Variants in CNTNAP2 observed in about 807,000 individuals in gnomAD.
CNTNAP2 encodes contactin associated protein 2.
A neutral mutation model predicts 155.2 loss-of-function variants in CNTNAP2; 98 were observed. The ratio of observed to expected loss-of-function variants is 0.63; its 90% CI spans 0.54 to 0.75. CNTNAP2 has a LOEUF of 0.75. Among genes scored for constraint, CNTNAP2 ranks in the 30% least tolerant of loss-of-function variants. The probability of loss-of-function intolerance (pLI) is 0.00; values close to 1 mark genes in which losing one functional copy is unlikely to be tolerated. For missense variants in CNTNAP2, 1,727 were observed against 1,688.1 expected, an observed-to-expected ratio of 1.02 and a Z score of -0.40; for synonymous variants, 651 against 631.2, an observed-to-expected ratio of 1.03 and a Z score of -0.47.
chr7:146,283,542 T>A lies in CNTNAP2; in HGVS notation c.97+166569T>A, dbSNP rs574566875. 8.5e-4 allele frequency among the ~76,000 whole-genome samples: 130 copies of A among 152,286 alleles called. 1 individual carries two copies. Among genetic ancestry groups the A allele is most frequent in the Admixed American group, 1.8e-3 (28 of 15,296 alleles). On this transcript the variant is annotated intron_variant, in intron 1 of 23. Transcript: ENST00000361727. The stretch of plus-strand genomic sequence containing the variant: ...GCCACTGTGCCTGGCTGGTTCCAGA[T>A]CATTTTAAAGAAATTAAGATGTATT...
intron 13 of CNTNAP2, among the ~76,000 whole-genome samples, chr7:147,653,679 C>T (rs1478902519): frequency 1.3e-5 from 2 of 152,150 alleles, no homozygotes. Context: ...AGGTCCTGCG[C>T]AGGAAGGCAA....
At chr7:148,034,653 T>C (rs1257902414) in intron 15 of CNTNAP2, among the ~76,000 whole-genome samples, 1 of 152,196 alleles carries the variant, frequency 6.6e-6, no homozygotes, top group African/African-American at 2.4e-5. Context: ...GAGAGCAGTG[T>C]TGCTATAGTA....
At chr7:148,363,358 A>C (rs1296401631) in intron 21 of CNTNAP2, among the ~76,000 whole-genome samples, 1 of 152,244 alleles carries the variant, frequency 6.6e-6, no homozygotes, top group Non-Finnish European at 1.5e-5. Context: ...TGTTCTGAGC[A>C]CATTTAAGGT....
intron 1 of CNTNAP2, among the ~76,000 whole-genome samples, chr7:146,394,920 C>G (rs1795598229): frequency 6.6e-6 from 1 of 152,084 alleles, no homozygotes; most frequent in Non-Finnish European, 1.5e-5. Context: ...TCTCCAGTGT[C>G]TATTTTTCCA....
intron 8 of CNTNAP2, among the ~76,000 whole-genome samples, chr7:147,297,789 T>TG (rs78489757): frequency 1.3e-5 from 2 of 151,974 alleles, no homozygotes; most frequent in Non-Finnish European, 2.9e-5. Context: ...GAGGAACAAT[T>TG]GGGGGGTAAT....
At chr7:146,176,524 A>G (rs7778234) in intron 1 of CNTNAP2, among the ~76,000 whole-genome samples, 5,038 of 152,278 alleles carry the variant, frequency 0.033, 278 homozygotes, top group African/African-American at 0.12. Context: ...AATTCAGTTT[A>G]TCATAAACAG....
chr7:146,128,388 A>G (rs1247795711), intron 1 of CNTNAP2, among the ~76,000 whole-genome samples: 2 of 152,146 alleles, frequency 1.3e-5, no homozygotes, highest in Admixed American at 6.5e-5. Flanking sequence ...TACTTTTGTC[A>G]AGTCCTTCCT....
intron 9 of CNTNAP2, among the ~76,000 whole-genome samples, chr7:147,394,807 T>TTGTGTGTGTGTGTGTGTGTG (rs61695156): frequency 2.2e-5 from 3 of 139,286 alleles, no homozygotes; most frequent in South Asian, 2.4e-4. Context: ...ATCAACAGTA[T>TTGTGTGTGTGTGTGTGTGTG]TGTGTGTGTG....
intron 1 of CNTNAP2, among the ~76,000 whole-genome samples, chr7:146,550,401 GT>G (rs10673467): frequency 0.11 from 5,890 of 53,798 alleles, 66 homozygotes; most frequent in Admixed American, 0.24. Flanking sequence ...CCATTAATCT[GT>G]TTTTTTTTTT....
At chr7:147,553,267 AG>A (rs1173580673) in intron 11 of CNTNAP2, among the ~76,000 whole-genome samples, 1 of 152,178 alleles carries the variant, frequency 6.6e-6, no homozygotes, top group Non-Finnish European at 1.5e-5. Context: ...AGATGAATAG[AG>A]AAGATGCAGC....
At chr7:146,122,970 A>G (rs954655617) in intron 1 of CNTNAP2, among the ~76,000 whole-genome samples, 1 of 152,224 alleles carries the variant, frequency 6.6e-6, no homozygotes, top group African/African-American at 2.4e-5. Flanking sequence ...CTTCAATTGT[A>G]AGTTTTGAAA....
At chr7:146,968,083 T>C (rs1220995184) in intron 3 of CNTNAP2, among the ~76,000 whole-genome samples, 2 of 151,040 alleles carry the variant, frequency 1.3e-5, no homozygotes, top group East Asian at 3.9e-4. Flanking sequence ...GTTTTTTGTC[T>C]TTGGTTCTGT....
chr7:146,174,970 T>A (rs1359448532), intron 1 of CNTNAP2, among the ~76,000 whole-genome samples: 1 of 152,192 alleles, frequency 6.6e-6, no homozygotes, highest in Non-Finnish European at 1.5e-5. Flanking sequence ...AATCTCATCA[T>A]AAGGTTGTAA....
At chr7:146,211,479 T>C (rs1360485028) in intron 1 of CNTNAP2, among the ~76,000 whole-genome samples, 13 of 152,214 alleles carry the variant, frequency 8.5e-5, no homozygotes, top group Admixed American at 5.2e-4. Flanking sequence ...GTATTTTTAA[T>C]ATTTTCCTTT....
At chr7:147,502,743 A>C (rs200531880) in intron 11 of CNTNAP2, among the ~76,000 whole-genome samples, 2 of 92,888 alleles carry the variant, frequency 2.2e-5, no homozygotes, top group Non-Finnish European at 4.0e-5. Flanking sequence ...GTGTGTGTGT[A>C]TATATATATA....
intron 14 of CNTNAP2, among the ~76,000 whole-genome samples, 189 bp from the exon 15 acceptor site, chr7:147,977,673 G>A (rs993347451): frequency 2.6e-5 from 4 of 152,162 alleles, no homozygotes; most frequent in African/African-American, 9.7e-5. Flanking sequence ...GATGCCAGAA[G>A]GGCTTCTGAG....
chr7:147,315,189 ATATGCATTT>A (rs1795203285), intron 9 of CNTNAP2, among the ~76,000 whole-genome samples: 1 of 150,578 alleles, frequency 6.6e-6, no homozygotes, highest in South Asian at 2.1e-4. Context: ...GGGCCCAGAA[ATATGCATTT>A]TAAACAGATT....
intron 13 of CNTNAP2, among the ~76,000 whole-genome samples, chr7:147,750,909 G>T (rs939894305): frequency 1.3e-5 from 2 of 151,976 alleles, no homozygotes; most frequent in African/African-American, 4.8e-5. Flanking sequence ...GCATGGTGGT[G>T]GGCGCCTGAA....
intron 1 of CNTNAP2, among the ~76,000 whole-genome samples, chr7:146,456,536 T>C (rs1478928302): frequency 6.6e-6 from 1 of 152,180 alleles, no homozygotes; most frequent in African/African-American, 2.4e-5. Flanking sequence ...AAGGGTTTGC[T>C]GTTACTGAGA....
Sources: gnomAD v4.1 joint callset for allele counts (sites outside exome capture counted in the v4.1 genomes callset) on GRCh38, gnomAD v4.1.1 for gene constraint, MANE v1.5 for transcripts, NCBI Gene and HGNC (gene_info 2026-07-23, HGNC 2026-07-21) for gene names.